Variants in STXBP5 observed in about 807,000 individuals in gnomAD.
STXBP5 encodes the protein syntaxin-binding protein 5.
STXBP5 carries 50 observed loss-of-function variants against 152.4 expected under a neutral mutation model. That is an observed-to-expected ratio of 0.33 (90% CI 0.26 to 0.42). The LOEUF is 0.42. STXBP5 is among the 10% of genes least tolerant of loss of function. The pLI is 1.00. For missense variants in STXBP5, 1,167 were observed against 1,388.6 expected (o/e 0.84, Z 2.54); for synonymous variants, 492 against 494.7 (o/e 0.99, Z 0.07).
chr6:147,244,390 A>T (rs991319060), intron 4 of STXBP5, among the ~76,000 whole-genome samples: 1 of 152,178 alleles, frequency 6.6e-6, no homozygotes, highest in Non-Finnish European at 1.5e-5. Context: ...TACGGGTTTT[A>T]TGCCTTTTCA....
At chr6:147,302,184 T>C (rs1424573746) in intron 9 of STXBP5, among the ~76,000 whole-genome samples, 1 of 152,162 alleles carries the variant, frequency 6.6e-6, no homozygotes, top group Admixed American at 6.6e-5. Flanking sequence ...CCTAATGTTA[T>C]ATGCCTACTG....
At chr6:147,280,096 A>G (rs922449885) in intron 8 of STXBP5, among the ~76,000 whole-genome samples, 29 of 150,020 alleles carry the variant, frequency 1.9e-4, no homozygotes, top group Admixed American at 4.6e-4. Context: ...ACATTTTTCT[A>G]TATAACCAAG....
intron 3 of STXBP5, among the ~76,000 whole-genome samples, chr6:147,237,457 CTCT>C (rs1395918148): frequency 6.6e-6 from 1 of 152,180 alleles, no homozygotes; most frequent in African/African-American, 2.4e-5. Flanking sequence ...TCTATGTCTT[CTCT>C]TCTTCCTTGA....
At chr6:147,278,321 G>T in intron 8 of STXBP5, 117 bp downstream of exon 8, 1 of 1,015,910 alleles carries the variant, frequency 9.8e-7, no homozygotes. Context: ...GTTTCCTTCT[G>T]TTTTTAGGGA....
At chr6:147,344,385 T>C (rs1784224199) in intron 21 of STXBP5, among the ~76,000 whole-genome samples, 1 of 152,242 alleles carries the variant, frequency 6.6e-6, no homozygotes, top group African/African-American at 2.4e-5. Context: ...AACTATTATT[T>C]GAACAAAACT....
intron 4 of STXBP5, among the ~76,000 whole-genome samples, chr6:147,253,413 T>C (rs1383218641): frequency 6.6e-6 from 1 of 152,150 alleles, no homozygotes; most frequent in East Asian, 1.9e-4. Context: ...GGATGCCCTC[T>C]CTCCCCACTC....
intron 2 of STXBP5, among the ~76,000 whole-genome samples, chr6:147,226,314 G>T (rs1484518778): frequency 6.7e-6 from 1 of 149,960 alleles, no homozygotes; most frequent in Admixed American, 6.6e-5. Flanking sequence ...AAAAAAAAAA[G>T]ATATTACTGG....
chr6:147,246,986 CTTA>C (rs750497483), intron 4 of STXBP5, among the ~76,000 whole-genome samples: 1 of 152,130 alleles, frequency 6.6e-6, no homozygotes, highest in Non-Finnish European at 1.5e-5. Flanking sequence ...ACATTATACT[CTTA>C]TTATTTTATT....
intron 21 of STXBP5, chr6:147,352,036 T>A (rs900651202): frequency 5.0e-6 from 1 of 198,054 alleles, no homozygotes; most frequent in Non-Finnish European, 9.1e-6. Context: ...ATAGATATAG[T>A]TGAACAACGC....
chr6:147,345,826 T>C (rs1442741239), intron 21 of STXBP5, among the ~76,000 whole-genome samples: 1 of 152,208 alleles, frequency 6.6e-6, no homozygotes, highest in Non-Finnish European at 1.5e-5. Flanking sequence ...CTTTTGTTGG[T>C]ATTGAAATTT....
chr6:147,384,880 G>C lies in STXBP5; in HGVS notation c.*125G>C. On this transcript the variant is annotated 3_prime_UTR_variant, in exon 28 of 28. Transcript: ENST00000321680. Reference sequence around the variant, plus strand: ...CTGAATACTGTTCTTTCCTAGCACAGTCATGCACTGTTTTACCTCAGTCAT... The same window carrying C: ...CTGAATACTGTTCTTTCCTAGCACACTCATGCACTGTTTTACCTCAGTCAT... 1.0e-6 allele frequency: 1 copy of C among 964,446 alleles called. No individual in the cohort carries two copies. The highest frequency in any genetic ancestry group is 1.6e-6 in the Non-Finnish European group (1 of 622,376). 59.7% of individuals were successfully genotyped at this position (964,446 alleles called of 1,614,324 possible).
At chr6:147,252,518 A>G (rs1383706784) in intron 4 of STXBP5, among the ~76,000 whole-genome samples, 1 of 152,032 alleles carries the variant, frequency 6.6e-6, no homozygotes, top group African/African-American at 2.4e-5. Context: ...TGACGACAAG[A>G]TTAGAGAAAA....
intron 4 of STXBP5, among the ~76,000 whole-genome samples, chr6:147,243,724 G>T (rs1052319080): frequency 6.6e-6 from 1 of 152,026 alleles, no homozygotes; most frequent in African/African-American, 2.4e-5. Flanking sequence ...TTTACATTTA[G>T]ATCTGTGATC....
chr6:147,302,971 A>T (rs1781900244), intron 9 of STXBP5, among the ~76,000 whole-genome samples: 1 of 152,010 alleles, frequency 6.6e-6, no homozygotes, highest in Non-Finnish European at 1.5e-5. Context: ...TCTTTTGTTG[A>T]GCTATTTCAT....
intron 16 of STXBP5, among the ~76,000 whole-genome samples, chr6:147,324,264 G>GTTTT (rs1179573055): frequency 1.7e-3 from 99 of 57,934 alleles, no homozygotes; most frequent in Admixed American, 2.6e-3. Flanking sequence ...TTTTTTTTTG[G>GTTTT]TTTTTTTTTT....
intron 11 of STXBP5, among the ~76,000 whole-genome samples, chr6:147,312,669 G>C (rs1782444849): frequency 6.6e-6 from 1 of 152,094 alleles, no homozygotes; most frequent in Non-Finnish European, 1.5e-5. Context: ...GGGCGACCCT[G>C]AATTAGGTGA....
At chr6:147,382,426 A>G (rs989016212) in intron 26 of STXBP5, among the ~76,000 whole-genome samples, 5 of 152,140 alleles carry the variant, frequency 3.3e-5, no homozygotes, top group African/African-American at 1.2e-4. Flanking sequence ...TTCGAAGCTA[A>G]ATATCTTTCG....
rs571796526 is a variant in STXBP5 at position 147,254,643 on chromosome 6, A to T, written c.432-5972A>T. On this transcript the variant is annotated intron_variant, in intron 4 of 27. Transcript: ENST00000321680. Reference sequence around the variant, plus strand: ...AAGTGGGCAAACTTCTCAAATGAAGACATTTACACAGCCACTTTATGCAGA... The same window carrying T: ...AAGTGGGCAAACTTCTCAAATGAAGTCATTTACACAGCCACTTTATGCAGA... Among the ~76,000 whole-genome samples the T allele has an allele frequency of 5.3e-5, 8 of 152,380 alleles. No homozygotes were observed. In the South Asian group the frequency reaches 1.4e-3, roughly 28 times the overall value.
At chr6:147,321,878 A>G (rs1338426229) in intron 16 of STXBP5, among the ~76,000 whole-genome samples, 1 of 152,202 alleles carries the variant, frequency 6.6e-6, no homozygotes, top group Non-Finnish European at 1.5e-5. Flanking sequence ...ATATTTTTAA[A>G]ATGTAACTTA....
Sources: allele counts gnomAD v4.1 joint callset (sites outside exome capture counted in the v4.1 genomes callset), GRCh38; gene constraint gnomAD v4.1.1; transcripts MANE v1.5; gene names NCBI Gene and HGNC (gene_info 2026-07-23, HGNC 2026-07-21).